The following NDUFAF7 variants were observed in gnomAD, a reference collection of about 807,000 sequenced individuals.
NDUFAF7 encodes protein arginine methyltransferase NDUFAF7, mitochondrial.
In NDUFAF7, 48 loss-of-function variants were observed where a neutral mutation model predicts 47.2. That is an observed-to-expected ratio of 1.02 (90% CI 0.81 to 1.29). NDUFAF7 has a LOEUF of 1.29. Among genes scored for constraint, NDUFAF7 ranks in the 50% most tolerant of loss-of-function variants. The pLI is 0.00. For missense variants in NDUFAF7, 635 were observed against 537.6 expected (o/e 1.18, Z -1.79); for synonymous variants, 217 against 190.0 (o/e 1.14, Z -1.17).
At chr2:37,255,441 G>A (rs532028754), downstream of NDUFAF7, among the ~76,000 whole-genome samples, 3 of 152,178 alleles carry the variant, frequency 2.0e-5, no homozygotes, top group East Asian at 5.8e-4. Flanking sequence ...CTTCCTATCA[G>A]TATCAGCAGA....
At chr2:37,249,592 CACACACACACAGAG>C (rs1365357957), downstream of NDUFAF7, among the ~76,000 whole-genome samples, 11 of 122,664 alleles carry the variant, frequency 9.0e-5, no homozygotes, top group South Asian at 1.4e-3. Context: ...CACACACACA[CACACACACACAGAG>C]GGGAGATCGC....
In NDUFAF7 at chr2:37,247,618, G is replaced by A; in HGVS notation, c.1099G>A (p.Val367Ile). The A allele has an allele frequency of 6.2e-7, 1 of 1,613,862 alleles. No homozygotes were observed. The highest frequency in any genetic ancestry group is 8.5e-7 in the Non-Finnish European group (1 of 1,179,896). The part of the protein sequence containing the change: ...HTFLKNMGID[V>I]RLKVLLDKSN... ...ATTTTTAAAAAATATGGGTATTGAT[G>A]TCCGGCTGAAGGTAAGGTTTATTTT... The change falls in exon 9 of 10, where the codon GTC (valine) becomes ATC (isoleucine). Residue 367 changes from valine (V) to isoleucine (I), a missense_variant. Val to Ile is a conservative substitution (Grantham distance 29). Coordinates refer to ENST00000002125, the MANE Select transcript of NDUFAF7 (RefSeq NM_144736.5).
chr2:37,265,460 C>T, the NDUFAF7 span, among the ~76,000 whole-genome samples: 1 of 151,852 alleles, frequency 6.6e-6, no homozygotes, highest in Admixed American at 6.6e-5. Context: ...TATTCATATA[C>T]AAAGTTAGCT....
chr2:37,259,864 TTTAA>T, the NDUFAF7 span, among the ~76,000 whole-genome samples: 5 of 152,278 alleles, frequency 3.3e-5, no homozygotes, highest in Admixed American at 2.6e-4. Flanking sequence ...AGTACTGCTA[TTTAA>T]TTATTTTAGT....
At chr2:37,232,363 G>T (rs1665255064) in intron 2 of NDUFAF7, 97 bp downstream of exon 2, 2 of 1,491,182 alleles carry the variant, frequency 1.3e-6, no homozygotes, top group Admixed American at 1.7e-5. Context: ...CCCAGGCAGT[G>T]GGGGTGCCTG....
chr2:37,241,488 T>C, intron 4 of NDUFAF7, 90 bp from the exon 5 acceptor site: 1 of 1,089,774 alleles, frequency 9.2e-7, no homozygotes, highest in Non-Finnish European at 1.4e-6. Context: ...TTACCTCTAT[T>C]GTGACATGAC....
chr2:37,269,218 C>A, the NDUFAF7 span: 1 of 197,156 alleles, frequency 5.1e-6, no homozygotes, highest in African/African-American at 2.3e-5. Context: ...GGTTTTCAGA[C>A]TTAATAGAAC....
the NDUFAF7 span, among the ~76,000 whole-genome samples, chr2:37,259,002 T>A: frequency 1.3e-5 from 2 of 151,868 alleles, no homozygotes; most frequent in Middle Eastern, 6.8e-3. Flanking sequence ...TGGGTTATGA[T>A]CCATTTCATA....
chr2:37,233,607 G>C (rs974457629), intron 2 of NDUFAF7, among the ~76,000 whole-genome samples: 1 of 148,182 alleles, frequency 6.7e-6, no homozygotes, highest in African/African-American at 2.5e-5. Context: ...GGGCAACAGA[G>C]CGAGACTCTG....
At chr2:37,260,574 G>A in the NDUFAF7 span, among the ~76,000 whole-genome samples, 97 of 152,316 alleles carry the variant, frequency 6.4e-4, no homozygotes, top group African/African-American at 2.2e-3. Flanking sequence ...GTACTGGAGA[G>A]TAGCCGCACT....
At chr2:37,250,146 A>G (rs1667363077), downstream of NDUFAF7, among the ~76,000 whole-genome samples, 1 of 151,970 alleles carries the variant, frequency 6.6e-6, no homozygotes, top group Non-Finnish European at 1.5e-5. Flanking sequence ...ACACCCCTGC[A>G]CTAAAGTAAA....
rs1394262978 is a variant in NDUFAF7 at position 37,247,564 on chromosome 2, G to C, written c.1045G>C (p.Ala349Pro). The C allele has an allele frequency of 1.2e-6, 2 of 1,614,046 alleles. No homozygotes were observed. The highest frequency in any genetic ancestry group is 1.7e-6 in the Non-Finnish European group (2 of 1,179,986). The change falls in exon 9 of 10, where the codon GCC becomes CCC. Residue 349 changes from alanine to proline, a missense_variant. Coordinates refer to ENST00000002125, the MANE Select transcript of NDUFAF7 (RefSeq NM_144736.5). ...YLRRMAQGKV[A>P]SLGPIKQHTF... ...GCGAAGAATGGCACAGGGAAAAGTA[G>C]CCTCTCTGGGCCCAATAAAACAACA...
intron 9 of NDUFAF7, 148 bp downstream of exon 9, chr2:37,247,777 C>T: frequency 1.0e-6 from 1 of 978,326 alleles, no homozygotes; most frequent in African/African-American, 1.6e-5. Context: ...GATTTAGTAA[C>T]TAGTCTGGTA....
the NDUFAF7 span, chr2:37,260,164 TAAA>T: frequency 2.8e-6 from 3 of 1,084,816 alleles, no homozygotes; most frequent in Non-Finnish European, 3.9e-6. Context: ...ACTCTTGTCT[TAAA>T]AAAAAAAAAA....
At chr2:37,269,595 A>T in the NDUFAF7 span, 9 of 1,590,742 alleles carry the variant, frequency 5.7e-6, no homozygotes, top group Non-Finnish European at 7.8e-6. Context: ...TACAATATGC[A>T]AACGGCTGTA....
intron 2 of NDUFAF7, among the ~76,000 whole-genome samples, chr2:37,233,273 A>G (rs72875768): frequency 0.017 from 2,530 of 152,290 alleles, 45 homozygotes; most frequent in African/African-American, 0.043. Flanking sequence ...GCTGCATTTT[A>G]TACATATTTT....
chr2:37,238,549 A>C (rs574639494), intron 4 of NDUFAF7, among the ~76,000 whole-genome samples: 1 of 152,266 alleles, frequency 6.6e-6, no homozygotes, highest in African/African-American at 2.4e-5. Flanking sequence ...CCAAGAGTTC[A>C]AGACCAACCT....
the NDUFAF7 span, among the ~76,000 whole-genome samples, chr2:37,261,413 G>A: frequency 6.6e-6 from 1 of 151,746 alleles, no homozygotes; most frequent in Admixed American, 6.6e-5. Context: ...CTTGAACCTG[G>A]GAGGTGGAGG....
intron 6 of NDUFAF7, among the ~76,000 whole-genome samples, chr2:37,243,230 C>T (rs1666536172): frequency 6.6e-6 from 1 of 152,060 alleles, no homozygotes; most frequent in Admixed American, 6.5e-5. Context: ...GTGGGTGAAT[C>T]ACTTGAGGTC....
Sources: allele counts gnomAD v4.1 joint callset (sites outside exome capture counted in the v4.1 genomes callset), GRCh38; gene constraint gnomAD v4.1.1; transcripts MANE v1.5; gene names NCBI Gene and HGNC (gene_info 2026-07-23, HGNC 2026-07-21).